VIPR2: variants seen among roughly 807,000 people sequenced by gnomAD.
The protein encoded by VIPR2 is vasoactive intestinal polypeptide receptor 2.
Under a neutral mutation model 58.0 loss-of-function variants are expected in VIPR2, and 48 were observed. The observed-to-expected ratio is 0.83, with a 90% CI of 0.66 to 1.05. The LOEUF is 1.05. Ranked by LOEUF, VIPR2 falls within the 50% of genes least tolerant of loss-of-function variation. The pLI, the probability that VIPR2 is intolerant of heterozygous loss-of-function variation, is 0.00. For missense variants in VIPR2, 534 were observed against 558.0 expected, an observed-to-expected ratio of 0.96 and a Z score of 0.43; for synonymous variants, 243 against 235.2, an observed-to-expected ratio of 1.03 and a Z score of -0.30.
Position 159,036,752 on chromosome 7 carries a change from C to A in VIPR2, c.748G>T (p.Gly250Cys), listed in dbSNP as rs1311816312. 1.2e-6 allele frequency: 2 copies of A among 1,612,240 alleles called. No homozygotes were observed. Among genetic ancestry groups the A allele is most frequent in the South Asian group, 2.2e-5 (2 of 90,778 alleles). ...TGTGGGTGGGAAGGGGCACACTTAC[C>A]CCATCCGATCAGGAGGTAGGCCAGG... ...CFLAYLLIGW[G>C]LPTVCIGAWT... Residue 250 changes from glycine to cysteine, a missense_variant and splice_region_variant, in exon 7 of 13, where the codon GGC becomes TGC. Physicochemically the swap from Gly to Cys is radical, Grantham distance 159. This residue lies in a region of VIPR2 where 306 missense variants were observed against 285.8 expected (regional missense o/e 1.07). Transcript: ENST00000262178.
intron 4 of VIPR2, among the ~76,000 whole-genome samples, chr7:159,073,606 A>T (rs77587218): frequency 6.6e-6 from 1 of 152,086 alleles, no homozygotes; most frequent in Non-Finnish European, 1.5e-5. Context: ...ACAGGGTTAC[A>T]TCATGTTACC....
At chr7:159,116,271 C>T (rs1485979107) in intron 2 of VIPR2, among the ~76,000 whole-genome samples, 1 of 152,196 alleles carries the variant, frequency 6.6e-6, no homozygotes, top group Non-Finnish European at 1.5e-5. Context: ...AATTTTGAAG[C>T]CAAGTTTCAG....
intron 5 of VIPR2, among the ~76,000 whole-genome samples, chr7:159,054,944 A>C (rs1254315187): frequency 1.3e-5 from 2 of 152,208 alleles, no homozygotes; most frequent in East Asian, 3.8e-4. Flanking sequence ...AGATAAACAC[A>C]AATGTAAATA....
chr7:159,116,209 G>T (rs897620769), intron 2 of VIPR2, among the ~76,000 whole-genome samples: 4 of 152,196 alleles, frequency 2.6e-5, no homozygotes, highest in Non-Finnish European at 5.9e-5. Flanking sequence ...CTTGGGTGAC[G>T]TGGGCAGAAC....
chr7:159,144,348 G>T (rs1045166715), intron 1 of VIPR2: 3 of 1,536,810 alleles, frequency 2.0e-6, no homozygotes, highest in South Asian at 1.2e-5. Flanking sequence ...CGCCAACCCC[G>T]ATCTCCCCGT....
chr7:159,115,500 GAGA>G (rs1273471452), intron 2 of VIPR2, among the ~76,000 whole-genome samples: 1 of 152,244 alleles, frequency 6.6e-6, no homozygotes, highest in Non-Finnish European at 1.5e-5. Flanking sequence ...CAGAGGGGTA[GAGA>G]AGGAGCCTCC....
chr7:159,131,788 C>T (rs1300775457), intron 2 of VIPR2, among the ~76,000 whole-genome samples: 4 of 152,160 alleles, frequency 2.6e-5, no homozygotes, highest in Admixed American at 1.3e-4. Context: ...GGAGACAACA[C>T]CTGAAAAATT....
intron 4 of VIPR2, among the ~76,000 whole-genome samples, chr7:159,091,766 A>G (rs1299136548): frequency 1.3e-5 from 2 of 152,172 alleles, no homozygotes; most frequent in Non-Finnish European, 2.9e-5. Context: ...CCTGGCCCTG[A>G]AGGCTGCTTC....
intron 4 of VIPR2, among the ~76,000 whole-genome samples, chr7:159,102,536 T>G (rs956357610): frequency 5.3e-5 from 8 of 152,258 alleles, no homozygotes; most frequent in Admixed American, 5.2e-4. Flanking sequence ...CTGTATAAGA[T>G]ACTTCCTTTC....
At chr7:159,035,798 C>T in intron 8 of VIPR2, 154 bp downstream of exon 8, 4 of 985,440 alleles carry the variant, frequency 4.1e-6, no homozygotes, top group Non-Finnish European at 4.8e-6. Flanking sequence ...GGATTTCTCC[C>T]CATGAATCGC....
In VIPR2 at chr7:159,090,576, C is replaced by T. The variant is rs369373488; in HGVS notation, c.357+13181G>A. ...ACGCACAGGGGCCACCTCTTGTGAC[C>T]ATCACAATCCCCGGTGACCTCAGCA... On this transcript the variant is annotated intron_variant, in intron 4 of 12. Transcript: ENST00000262178. 3.6e-3 allele frequency among the ~76,000 whole-genome samples: 298 copies of T among 82,512 alleles called. 7 individuals are homozygous for T. Among genetic ancestry groups the T allele is most frequent in the African/African-American group, 0.018 (185 of 10,340 alleles). The allele number at this position is 82,512 out of a possible 152,430, so 54.1% of individuals were successfully genotyped here.
intron 8 of VIPR2, 104 bp downstream of exon 8, chr7:159,035,848 C>T (rs925604641): frequency 1.0e-5 from 15 of 1,501,088 alleles, no homozygotes; most frequent in African/African-American, 1.4e-5. Flanking sequence ...GCCGCAAACG[C>T]TCCCTGTCCT....
intron 3 of VIPR2, among the ~76,000 whole-genome samples, chr7:159,108,893 G>A (rs1476384380): frequency 2.0e-5 from 3 of 152,178 alleles, no homozygotes; most frequent in Non-Finnish European, 4.4e-5. Context: ...TAACTCAGGG[G>A]TGGGCAGTGA....
intron 1 of VIPR2, among the ~76,000 whole-genome samples, chr7:159,142,952 A>G (rs1392960813): frequency 6.6e-6 from 1 of 152,232 alleles, no homozygotes; most frequent in Non-Finnish European, 1.5e-5. Context: ...CCCGGGAAAG[A>G]GCCGTGATAG....
At chr7:159,134,407 G>A (rs1239294961) in intron 2 of VIPR2, among the ~76,000 whole-genome samples, 1 of 152,106 alleles carries the variant, frequency 6.6e-6, no homozygotes, top group Non-Finnish European at 1.5e-5. Flanking sequence ...AGTATATGAG[G>A]TCTGTGTTTA....
intron 1 of VIPR2, among the ~76,000 whole-genome samples, chr7:159,143,651 T>C (rs937805512): frequency 2.0e-5 from 3 of 152,246 alleles, no homozygotes; most frequent in African/African-American, 7.2e-5. Context: ...TCTGTTTTCA[T>C]GCAGGACAAG....
At chr7:159,144,698 G>A in intron 1 of VIPR2, 23 bp downstream of exon 1, 1 of 1,330,416 alleles carries the variant, frequency 7.5e-7, no homozygotes. Context: ...GCGCCGTGGG[G>A]CGGGGGTCGC....
chr7:159,109,378 G>C (rs760927326), intron 3 of VIPR2, among the ~76,000 whole-genome samples: 6 of 152,288 alleles, frequency 3.9e-5, no homozygotes, highest in South Asian at 4.1e-4. Flanking sequence ...CGATAAACTA[G>C]GTGTGTCCTG....
intron 2 of VIPR2, among the ~76,000 whole-genome samples, chr7:159,136,140 G>A (rs1797213486): frequency 6.6e-6 from 1 of 152,182 alleles, no homozygotes; most frequent in South Asian, 2.1e-4. Context: ...TCACAGTTAT[G>A]AGGCTGGATA....
Sources: allele counts gnomAD v4.1 joint callset (sites outside exome capture counted in the v4.1 genomes callset), GRCh38; gene constraint gnomAD v4.1.1; regional missense constraint gnomAD v4.1.1; transcripts MANE v1.5; gene names NCBI Gene and HGNC (gene_info 2026-07-23, HGNC 2026-07-21).